The following TSPEAR variants were observed in gnomAD, a reference collection of about 807,000 sequenced individuals.
TSPEAR encodes thrombospondin type laminin G domain and EAR repeats, also known as thrombospondin-type laminin G domain and EAR repeat-containing protein.
A neutral mutation model predicts 71.6 loss-of-function variants in TSPEAR; 69 were observed. That is an observed-to-expected ratio of 0.96 (90% CI 0.79 to 1.18). The LOEUF is 1.18. TSPEAR is among the 50% of genes most tolerant of loss of function. The pLI is 0.00. For missense variants in TSPEAR, 971 were observed against 894.9 expected, an observed-to-expected ratio of 1.09 and a Z score of -1.09; for synonymous variants, 402 against 387.2, an observed-to-expected ratio of 1.04 and a Z score of -0.45.
At chr21:44,601,286 C>A (rs782431198) in intron 1 of TSPEAR, 1 of 1,609,344 alleles carries the variant, frequency 6.2e-7, no homozygotes, top group South Asian at 1.1e-5. Flanking sequence ...TGCACCTCCT[C>A]CCCTTGCCAG....
intron 1 of TSPEAR, among the ~76,000 whole-genome samples, chr21:44,651,983 T>A (rs886733408): frequency 1.8e-4 from 18 of 100,240 alleles, no homozygotes; most frequent in Admixed American, 1.1e-3. Flanking sequence ...AACTTTCTTT[T>A]TTTTTTTTTT....
At chr21:44,628,450 G>C (rs1377146225) in intron 1 of TSPEAR, among the ~76,000 whole-genome samples, 3 of 151,850 alleles carry the variant, frequency 2.0e-5, no homozygotes, top group Non-Finnish European at 4.4e-5. Context: ...GCTCTGGGGG[G>C]CTGGGCCCCG....
chr21:44,554,313 C>G (rs1555919480), intron 2 of TSPEAR, among the ~76,000 whole-genome samples: 1 of 152,202 alleles, frequency 6.6e-6, no homozygotes, highest in Non-Finnish European at 1.5e-5. Context: ...CCTGACTGAT[C>G]CTGGACTTCC....
chr21:44,579,975 G>A, intron 1 of TSPEAR: 3 of 1,613,404 alleles, frequency 1.9e-6, no homozygotes, highest in South Asian at 1.1e-5. Flanking sequence ...CAGCTAGACT[G>A]CTGGCAGCAT....
At chr21:44,590,515 C>T (rs1249614948) in intron 1 of TSPEAR, among the ~76,000 whole-genome samples, 3 of 152,168 alleles carry the variant, frequency 2.0e-5, no homozygotes, top group Non-Finnish European at 2.9e-5. Flanking sequence ...TTCTCGCCAG[C>T]GATGCCTGAG....
chr21:44,645,621 G>A (rs1400039714), intron 1 of TSPEAR, among the ~76,000 whole-genome samples: 2 of 151,824 alleles, frequency 1.3e-5, no homozygotes, highest in Non-Finnish European at 2.9e-5. Context: ...CAAAGTACTG[G>A]GATTAGAGGC....
At position 44,602,696 on chromosome 21, in the gene TSPEAR, G is replaced by A. The variant is rs373779771; in HGVS notation, c.83-34691C>T. Among the ~76,000 whole-genome samples, 221 of 152,320 alleles carry A rather than the reference G, an allele frequency of 1.5e-3. 1 individual carries two copies. Among genetic ancestry groups the A allele is most frequent in the Non-Finnish European group, 2.4e-3 (163 of 68,016 alleles). On this transcript the variant is annotated intron_variant, in intron 1 of 11. Transcript: ENST00000323084. ...GAAGCTGCTCACGTGACCAGTCCCCGGGTACATCACCGGGCAGGGCATCCC... is the reference window on the plus strand; with the variant it reads ...GAAGCTGCTCACGTGACCAGTCCCCAGGTACATCACCGGGCAGGGCATCCC...
chr21:44,681,885 C>T lies in TSPEAR; in HGVS notation c.82+29548G>A, dbSNP rs568436407. On this transcript the variant is annotated intron_variant, in intron 1 of 11. Coordinates refer to ENST00000323084, the MANE Select transcript of TSPEAR (RefSeq NM_144991.3). Reference sequence around the variant, plus strand: ...GATGGGTCTGCAGAGGACGCTGGTGCAGGAAGGCTGGCAGCACCCAGAGGA... The same window carrying T: ...GATGGGTCTGCAGAGGACGCTGGTGTAGGAAGGCTGGCAGCACCCAGAGGA... 2.5e-6 allele frequency: 4 copies of T among 1,614,036 alleles called. No homozygotes were observed. In the African/African-American group the frequency reaches 5.3e-5, roughly 22 times the overall value.
intron 2 of TSPEAR, among the ~76,000 whole-genome samples, chr21:44,534,656 G>A (rs1410809645): frequency 6.6e-6 from 1 of 152,124 alleles, no homozygotes; most frequent in Non-Finnish European, 1.5e-5. Flanking sequence ...GCGACACTGT[G>A]GAGAAACTGG....
At chr21:44,517,663 T>C (rs925599217) in intron 9 of TSPEAR, 14 of 431,594 alleles carry the variant, frequency 3.2e-5, no homozygotes, top group Non-Finnish European at 5.3e-5. Context: ...TAACCCAATA[T>C]GGCAGGAAGC....
At position 44,527,375 on chromosome 21, in the gene TSPEAR, AC is replaced by A. The variant is rs782013294; in HGVS notation, c.1065del (p.Lys355AsnfsTer57). 1 of 1,614,192 alleles carries A rather than the reference AC, an allele frequency of 6.2e-7. No homozygotes were observed. The highest frequency in any genetic ancestry group is 2.2e-5 in the East Asian group (1 of 44,888). ...ANRKATSAVY[K>X]WTEEKFVSYQ... The stretch of plus-strand genomic sequence containing the variant: ...TATGAGACGAACTTCTCTTCGGTCC[AC>A]TTGTAGACGGCGGATGTGGCTTTGC... On this transcript the variant is annotated frameshift_variant, in exon 7 of 12. Coordinates refer to ENST00000323084, the MANE Select transcript of TSPEAR (RefSeq NM_144991.3). LOFTEE classifies it high-confidence loss of function.
intron 2 of TSPEAR, among the ~76,000 whole-genome samples, chr21:44,544,674 G>C (rs2053271661): frequency 6.6e-6 from 1 of 152,134 alleles, no homozygotes; most frequent in African/African-American, 2.4e-5. Flanking sequence ...AGCAACTGAG[G>C]AATGCTATGT....
intron 2 of TSPEAR, among the ~76,000 whole-genome samples, chr21:44,552,490 A>G (rs1555919228): frequency 6.6e-6 from 1 of 152,178 alleles, no homozygotes; most frequent in Admixed American, 6.5e-5. Context: ...CAGAAAGCCT[A>G]TAGCGCTAGG....
At chr21:44,664,422 A>C (rs1985646645) in intron 1 of TSPEAR, among the ~76,000 whole-genome samples, 1 of 152,224 alleles carries the variant, frequency 6.6e-6, no homozygotes, top group Non-Finnish European at 1.5e-5. Flanking sequence ...ATTGATGAGA[A>C]GAATCAGAGA....
At chr21:44,613,523 G>A (rs1981864017) in intron 1 of TSPEAR, among the ~76,000 whole-genome samples, 1 of 152,196 alleles carries the variant, frequency 6.6e-6, no homozygotes, top group Non-Finnish European at 1.5e-5. Context: ...CACCTGCCGG[G>A]AAGCTGGCCT....
At chr21:44,579,730 T>A (rs1211224174) in intron 1 of TSPEAR, 1 of 1,592,126 alleles carries the variant, frequency 6.3e-7, no homozygotes, top group African/African-American at 1.3e-5. Context: ...GATGTGCACA[T>A]CAGCAACTGG....
chr21:44,571,972 G>A (rs895273451), intron 1 of TSPEAR, among the ~76,000 whole-genome samples: 6 of 152,202 alleles, frequency 3.9e-5, no homozygotes, highest in South Asian at 2.1e-4. Context: ...CAGCACTGCC[G>A]GGCAAACGCC....
At chr21:44,594,546 G>A (rs1235614443) in intron 1 of TSPEAR, among the ~76,000 whole-genome samples, 2 of 152,210 alleles carry the variant, frequency 1.3e-5, no homozygotes, top group African/African-American at 4.8e-5. Context: ...GGACGGGTCA[G>A]TGTGTTTCTC....
At chr21:44,517,835 G>T in intron 9 of TSPEAR, 2 of 471,240 alleles carry the variant, frequency 4.2e-6, no homozygotes, top group South Asian at 3.1e-5. Flanking sequence ...GTGCTTTGAA[G>T]GTAACTTTCC....
Sources: allele counts gnomAD v4.1 joint callset (sites outside exome capture counted in the v4.1 genomes callset), GRCh38; gene constraint gnomAD v4.1.1; transcripts MANE v1.5; gene names NCBI Gene and HGNC (gene_info 2026-07-23, HGNC 2026-07-21).